Variants in AFF2 observed in about 807,000 individuals in gnomAD.
AFF2 encodes the protein ALF transcription elongation factor 2, also known as AF4/FMR2 family member 2.
AFF2 carries 14 observed loss-of-function variants against 76.9 expected under a neutral mutation model. The ratio of observed to expected loss-of-function variants is 0.18; its 90% CI spans 0.12 to 0.28. The LOEUF is 0.28. AFF2 is among the 10% of genes least tolerant of loss of function. The probability of loss-of-function intolerance (pLI) is 1.00; values close to 1 mark genes in which losing one functional copy is unlikely to be tolerated. For synonymous variants in AFF2, 398 were observed against 366.7 expected (o/e 1.09, Z -0.98); for missense variants, 868 against 1,001.1 (o/e 0.87, Z 1.79).
chrX:148,680,593 G>A (rs895801267), intron 3 of AFF2, among the ~76,000 whole-genome samples: 9 of 112,161 alleles, frequency 8.0e-5, no homozygotes, highest in African/African-American at 2.9e-4. Flanking sequence ...CATATGCAGA[G>A]TATGGTGCTA....
chrX:148,763,795 A>G (rs1269641099), intron 3 of AFF2, among the ~76,000 whole-genome samples: 3 of 111,809 alleles, frequency 2.7e-5, no homozygotes, highest in African/African-American at 6.5e-5. Context: ...TTGAATCTCA[A>G]CTGATTTTTA....
At chrX:148,807,337 C>A in intron 3 of AFF2, among the ~76,000 whole-genome samples, 1 of 112,183 alleles carries the variant, frequency 8.9e-6, no homozygotes, top group Non-Finnish European at 1.9e-5. Context: ...TAACTTAATT[C>A]ATTGTATTGG....
intron 7 of AFF2, among the ~76,000 whole-genome samples, chrX:148,882,423 A>G (rs781830195): frequency 3.6e-5 from 4 of 112,192 alleles, no homozygotes; most frequent in Middle Eastern, 4.6e-3. Flanking sequence ...AAAACTAAAA[A>G]CAGCATTTTT....
At chrX:148,946,633 A>G (rs987704805) in intron 9 of AFF2, among the ~76,000 whole-genome samples, 18 of 112,761 alleles carry the variant, frequency 1.6e-4, no homozygotes, top group Admixed American at 1.3e-3. Context: ...AGTTATTAGC[A>G]GAATTCAATT....
chrX:148,880,090 C>T (rs2124126136), intron 7 of AFF2, among the ~76,000 whole-genome samples: 1 of 112,143 alleles, frequency 8.9e-6, no homozygotes, highest in East Asian at 2.8e-4. Context: ...GAGATTTGTT[C>T]CTATAGAGTA....
intron 4 of AFF2, among the ~76,000 whole-genome samples, chrX:148,825,687 G>A (rs1603306941): frequency 9.5e-6 from 1 of 105,545 alleles, no homozygotes; most frequent in Non-Finnish European, 1.9e-5. Flanking sequence ...GACCCTGCCC[G>A]GTTGGTTTTT....
chrX:148,805,501 T>C (rs1347532590), intron 3 of AFF2, among the ~76,000 whole-genome samples: 2 of 111,838 alleles, frequency 1.8e-5, no homozygotes, highest in South Asian at 7.5e-4. Context: ...CTATTAGTGA[T>C]GGCTGCTGCT....
At chrX:148,507,501 A>C (rs184466640) in intron 1 of AFF2, among the ~76,000 whole-genome samples, 56 of 111,651 alleles carry the variant, frequency 5.0e-4, no homozygotes, top group African/African-American at 1.6e-3. Context: ...GGAAAATATG[A>C]GTGGTCGGAG....
intron 1 of AFF2, among the ~76,000 whole-genome samples, chrX:148,574,943 GGTGTGTGTGT>G (rs781819721): frequency 0.3 from 28,818 of 95,302 alleles, 3,469 homozygotes; most frequent in African/African-American, 0.36. Flanking sequence ...ATAGTGCTGG[GGTGTGTGTGT>G]GTGTGTGTGT....
chrX:148,973,436 G>A (rs782273855), intron 15 of AFF2, 35 bp from the exon 16 acceptor site: 3 of 1,203,683 alleles, frequency 2.5e-6, no homozygotes, highest in African/African-American at 1.8e-5. Context: ...AGAAAACAGA[G>A]AGTATTATCT....
At chrX:148,881,654 T>C (rs868970164) in intron 7 of AFF2, among the ~76,000 whole-genome samples, 1 of 111,302 alleles carries the variant, frequency 9.0e-6, no homozygotes, top group Admixed American at 9.6e-5. Flanking sequence ...CCTTATTTGG[T>C]CATGGTTTCC....
intron 9 of AFF2, among the ~76,000 whole-genome samples, chrX:148,914,242 C>T (rs1422766925): frequency 9.0e-6 from 1 of 111,226 alleles, no homozygotes; most frequent in African/African-American, 3.3e-5. Context: ...GAGAAGAAAG[C>T]AGATGCTGTG....
chrX:148,900,205 C>T (rs1370843758), intron 8 of AFF2, among the ~76,000 whole-genome samples: 1 of 111,022 alleles, frequency 9.0e-6, no homozygotes, highest in Non-Finnish European at 1.9e-5. Flanking sequence ...ATGTATGCCA[C>T]GTGGATGGGA....
chrX:148,986,727 A>G (rs1557291592), intron 19 of AFF2, among the ~76,000 whole-genome samples: 4 of 113,376 alleles, frequency 3.5e-5, no homozygotes, highest in African/African-American at 9.6e-5. Flanking sequence ...GGTTTCCACA[A>G]AACACTTTGA....
intron 4 of AFF2, among the ~76,000 whole-genome samples, chrX:148,830,288 G>T (rs1336373026): frequency 8.9e-6 from 1 of 112,281 alleles, no homozygotes; most frequent in Non-Finnish European, 1.9e-5. Flanking sequence ...GGAGAAACAG[G>T]TAAGTTCCTG....
chrX:148,829,565 G>T (rs1442298365), intron 4 of AFF2, among the ~76,000 whole-genome samples: 2 of 111,827 alleles, frequency 1.8e-5, no homozygotes, highest in Non-Finnish European at 3.8e-5. Flanking sequence ...AATTTCCTTA[G>T]TCAATTTAGT....
intron 7 of AFF2, among the ~76,000 whole-genome samples, chrX:148,872,468 T>C (rs782593681): frequency 1.8e-5 from 2 of 112,543 alleles, no homozygotes; most frequent in Non-Finnish European, 3.8e-5. Context: ...TTCCTTTTTG[T>C]AGCTGAATAA....
At chrX:148,652,659 A>G (rs782124725) in intron 2 of AFF2, among the ~76,000 whole-genome samples, 1 of 111,927 alleles carries the variant, frequency 8.9e-6, no homozygotes, top group East Asian at 2.8e-4. Context: ...ATCATGGGTT[A>G]GAAGATTGTC....
At chrX:148,689,064 A>G (rs1243546100) in intron 3 of AFF2, among the ~76,000 whole-genome samples, 1 of 111,720 alleles carries the variant, frequency 9.0e-6, no homozygotes, top group East Asian at 2.8e-4. Context: ...ATTTTCTCCC[A>G]GCTCTGGAAG....
Sources: gnomAD v4.1 joint callset for allele counts (sites outside exome capture counted in the v4.1 genomes callset) on GRCh38, gnomAD v4.1.1 for gene constraint, MANE v1.5 for transcripts, NCBI Gene and HGNC (gene_info 2026-07-23, HGNC 2026-07-21) for gene names.